SLC24A4: variants seen among roughly 807,000 people sequenced by gnomAD.
SLC24A4 encodes the protein solute carrier family 24 member 4, also known as sodium/potassium/calcium exchanger 4.
In SLC24A4, 53 loss-of-function variants were observed where a neutral mutation model predicts 79.0. That is an observed-to-expected ratio of 0.67 (90% CI 0.54 to 0.84). The LOEUF is 0.84. Among genes scored for constraint, SLC24A4 ranks in the 40% least tolerant of loss-of-function variants. The pLI is 0.00. For missense variants in SLC24A4, 731 were observed against 822.0 expected (o/e 0.89, Z 1.35); for synonymous variants, 323 against 323.8 (o/e 1.00, Z 0.03).
intron 2 of SLC24A4, 39 bp from the exon 3 acceptor site, chr14:92,433,873 T>C (rs1892014583): frequency 6.4e-7 from 1 of 1,571,496 alleles, no homozygotes; most frequent in African/African-American, 1.4e-5. Context: ...GGGAGGCCCA[T>C]AGATAACTAA....
intron 12 of SLC24A4, among the ~76,000 whole-genome samples, chr14:92,473,095 T>C (rs1944575592): frequency 6.6e-6 from 1 of 152,178 alleles, no homozygotes; most frequent in South Asian, 2.1e-4. Context: ...CAAAAAACCT[T>C]TTTTTCATGA....
intron 2 of SLC24A4, among the ~76,000 whole-genome samples, chr14:92,432,279 C>T (rs1891919441): frequency 1.3e-5 from 2 of 152,240 alleles, no homozygotes; most frequent in African/African-American, 2.4e-5. Context: ...CCCTTCCCTG[C>T]TGGAGGTCAG....
intron 2 of SLC24A4, among the ~76,000 whole-genome samples, chr14:92,356,287 C>T (rs903264975): frequency 2.0e-5 from 3 of 152,166 alleles, no homozygotes; most frequent in Non-Finnish European, 2.9e-5. Context: ...GTGACCCCAT[C>T]GTAAGTTGAA....
chr14:92,448,737 C>G (rs977231261), intron 9 of SLC24A4, among the ~76,000 whole-genome samples: 27 of 152,156 alleles, frequency 1.8e-4, no homozygotes, highest in African/African-American at 5.6e-4. Flanking sequence ...GGTAATGCCC[C>G]CTGCGAGCCT....
chr14:92,444,983 T>G (rs1463224084), intron 7 of SLC24A4, among the ~76,000 whole-genome samples: 2 of 149,720 alleles, frequency 1.3e-5, no homozygotes, highest in Non-Finnish European at 3.0e-5. Context: ...TTAGCTATCT[T>G]TCAGTCTTTG....
chr14:92,463,655 C>T (rs1893939940), intron 12 of SLC24A4, among the ~76,000 whole-genome samples: 1 of 152,180 alleles, frequency 6.6e-6, no homozygotes, highest in African/African-American at 2.4e-5. Flanking sequence ...TTTCATATAA[C>T]AGGTCTTTTT....
rs2141580335 is a variant in SLC24A4 at position 92,323,801 on chromosome 14, C to G, written c.-30C>G. On this transcript the variant is annotated 5_prime_UTR_variant, in exon 1 of 17. Coordinates refer to ENST00000532405, the MANE Select transcript of SLC24A4 (RefSeq NM_153646.4). This position sits in a 1 kb window ranked among gnomAD's most constrained non-coding sequence, Gnocchi z 4.9. ...TCTGGCCGCTGAAGCTCCCCATCCT[C>G]TCCCAGAGACGGCACCCAGGCGCTC... 1 of 1,543,218 alleles carries G rather than the reference C, an allele frequency of 6.5e-7. No individual in the cohort carries two copies. The highest frequency in any genetic ancestry group is 2.4e-5 in the East Asian group (1 of 42,062).
At chr14:92,450,028 T>C (rs1485984596) in intron 10 of SLC24A4, among the ~76,000 whole-genome samples, 1 of 152,218 alleles carries the variant, frequency 6.6e-6, no homozygotes, top group African/African-American at 2.4e-5. Flanking sequence ...CCCAGACCAG[T>C]AGGAGAGCAG....
chr14:92,323,852 C>T lies in SLC24A4; in HGVS notation c.22C>T (p.Arg8Trp), dbSNP rs1051271028. 1.9e-6 allele frequency: 3 copies of T among 1,590,378 alleles called. No homozygotes were observed. Among genetic ancestry groups the T allele is most frequent in the African/African-American group, 1.3e-5 (1 of 74,796 alleles). The change falls in exon 1 of 17, where the codon CGG (arginine) becomes TGG (tryptophan). Residue 8 changes from arginine to tryptophan, a missense_variant. Arg to Trp is a moderately radical substitution (Grantham distance 101, BLOSUM62 -3). Coordinates refer to ENST00000532405, the MANE Select transcript of SLC24A4 (RefSeq NM_153646.4). This position sits in a 1 kb window ranked among gnomAD's most constrained non-coding sequence, Gnocchi z 4.9. Reference protein sequence around the residue: MALRGTLRPLKVRRRREM... With the variant: MALRGTLWPLKVRRRREM... ...CGGGATGGCGCTCCGCGGGACCCTC[C>T]GGCCGCTCAAAGTTCGCAGGAGGCG...
chr14:92,461,883 G>T (rs920497436), intron 12 of SLC24A4, among the ~76,000 whole-genome samples: 2 of 152,208 alleles, frequency 1.3e-5, no homozygotes, highest in African/African-American at 2.4e-5. Flanking sequence ...GCACAGAGAG[G>T]TAAGTGATTG....
chr14:92,469,970 T>C (rs1033724328), intron 12 of SLC24A4, among the ~76,000 whole-genome samples: 1 of 152,222 alleles, frequency 6.6e-6, no homozygotes, highest in Admixed American at 6.5e-5. Context: ...GAAAATCTTC[T>C]GGAATTATAT....
intron 2 of SLC24A4, among the ~76,000 whole-genome samples, chr14:92,349,738 G>A (rs530496381): frequency 5.8e-4 from 88 of 152,276 alleles, no homozygotes; most frequent in Non-Finnish European, 1.5e-4. Flanking sequence ...TATAATATAA[G>A]CTCTGAATTT....
intron 10 of SLC24A4, 97 bp from the exon 11 acceptor site, chr14:92,453,803 C>T: frequency 7.2e-7 from 1 of 1,385,044 alleles, no homozygotes; most frequent in African/African-American, 1.5e-5. Flanking sequence ...GGACCACAGC[C>T]TAGGGCAGCT....
At chr14:92,449,268 C>G (rs1892995163) in intron 10 of SLC24A4, 52 bp downstream of exon 10, 3 of 1,586,012 alleles carry the variant, frequency 1.9e-6, no homozygotes, top group Non-Finnish European at 2.6e-6. Context: ...AAGCCACTCT[C>G]TCCTCTTTTG....
intron 2 of SLC24A4, among the ~76,000 whole-genome samples, chr14:92,343,192 C>T (rs1415884033): frequency 6.6e-6 from 1 of 152,270 alleles, no homozygotes; most frequent in East Asian, 1.9e-4. Flanking sequence ...CCTGAAATGA[C>T]ATAGCAGACC....
At chr14:92,453,039 G>C (rs1042562645) in intron 10 of SLC24A4, 2 of 152,268 alleles carry the variant, frequency 1.3e-5, no homozygotes, top group Admixed American at 6.5e-5. Flanking sequence ...TTCATGAGCA[G>C]TTTTGTAACT....
intron 2 of SLC24A4, among the ~76,000 whole-genome samples, chr14:92,394,402 C>T (rs535696305): frequency 6.6e-6 from 1 of 151,984 alleles, no homozygotes; most frequent in Non-Finnish European, 1.5e-5. Flanking sequence ...TGAAGACCAG[C>T]CTGGGCAACA....
intron 2 of SLC24A4, among the ~76,000 whole-genome samples, chr14:92,373,473 C>T (rs1021767421): frequency 3.3e-5 from 5 of 152,214 alleles, no homozygotes; most frequent in African/African-American, 7.2e-5. Context: ...TGACCCCCTC[C>T]TTGTGATGGG....
chr14:92,335,072 C>G (rs948322513), intron 2 of SLC24A4, among the ~76,000 whole-genome samples: 1 of 152,118 alleles, frequency 6.6e-6, no homozygotes, highest in Admixed American at 6.5e-5. Flanking sequence ...GTCCAAGTCA[C>G]GCGGCCAACA....
Sources: allele counts gnomAD v4.1 joint callset (sites outside exome capture counted in the v4.1 genomes callset), GRCh38; gene constraint gnomAD v4.1.1; non-coding constraint Gnocchi (gnomAD v3.1); transcripts MANE v1.5; gene names NCBI Gene and HGNC (gene_info 2026-07-23, HGNC 2026-07-21).